Variants in WDR76 observed in about 807,000 individuals in gnomAD.
WDR76 encodes WD repeat domain 76, also known as WD repeat-containing protein 76.
WDR76 carries 52 observed loss-of-function variants against 70.2 expected under a neutral mutation model. The ratio of observed to expected loss-of-function variants is 0.74; its 90% confidence interval spans 0.59 to 0.93. The LOEUF (loss-of-function observed/expected upper bound fraction) is 0.93, where lower values mean the gene tolerates loss of function less well. Among genes scored for constraint, WDR76 ranks in the 40% least tolerant of loss-of-function variants. WDR76 has a pLI of 0.00. For missense variants in WDR76, 756 were observed against 760.2 expected, an observed-to-expected ratio of 0.99 and a Z score of 0.07; for synonymous variants, 292 against 271.1, an observed-to-expected ratio of 1.08 and a Z score of -0.76.
intron 9 of WDR76, among the ~76,000 whole-genome samples, chr15:43,851,860 A>G (rs557410603): frequency 6.6e-6 from 1 of 152,314 alleles, no homozygotes; most frequent in East Asian, 1.9e-4. Context: ...ACTTGAGCCC[A>G]GGAGTTCAAG....
At chr15:43,832,758 T>TG (rs1441429688) in intron 2 of WDR76, among the ~76,000 whole-genome samples, 7 of 136,078 alleles carry the variant, frequency 5.1e-5, no homozygotes, top group African/African-American at 1.3e-4. Context: ...TTTTTTTTTT[T>TG]TTTTTTTTTT....
intron 4 of WDR76, among the ~76,000 whole-genome samples, chr15:43,837,042 C>CAAAA (rs541159343): frequency 1.7e-5 from 1 of 58,292 alleles, no homozygotes; most frequent in African/African-American, 6.4e-5. Flanking sequence ...CTCCATCTCA[C>CAAAA]AAAAAAAAAA....
intron 11 of WDR76, among the ~76,000 whole-genome samples, chr15:43,859,381 G>A (rs2087969407): frequency 1.3e-5 from 2 of 152,106 alleles, no homozygotes; most frequent in South Asian, 2.1e-4. Flanking sequence ...TAAAGATGTC[G>A]GGAACATTAG....
intron 2 of WDR76, among the ~76,000 whole-genome samples, chr15:43,831,816 C>A (rs2087593065): frequency 6.6e-6 from 1 of 151,858 alleles, no homozygotes; most frequent in Non-Finnish European, 1.5e-5. Context: ...GAGGCAAATA[C>A]TTTGCATATC....
intron 9 of WDR76, among the ~76,000 whole-genome samples, chr15:43,853,104 G>T (rs531603571): frequency 6.6e-6 from 1 of 152,144 alleles, no homozygotes; most frequent in African/African-American, 2.4e-5. Flanking sequence ...GGCCAGGCTG[G>T]TCTTGAACTC....
At chr15:43,864,570 T>A (rs1254564745) in intron 12 of WDR76, among the ~76,000 whole-genome samples, 1 of 152,132 alleles carries the variant, frequency 6.6e-6, no homozygotes, top group Admixed American at 6.6e-5. Flanking sequence ...TGTATTCAGA[T>A]CTTTTGCCCA....
Position 43,850,452 on chromosome 15 carries a change from C to T in WDR76, c.1033-635C>T, listed in dbSNP as rs577502497. ...ATGGGACTACAGGTGCCGGCCACCA[C>T]GCCCGGCTAGTTTTTTGTATTTTTA... On this transcript the variant is annotated intron_variant, in intron 8 of 12. Transcript: ENST00000263795. Among the ~76,000 whole-genome samples, 279 of 152,024 alleles carry T rather than the reference C, an allele frequency of 1.8e-3. 3 individuals carry two copies. Among genetic ancestry groups the T allele is most frequent in the African/African-American group, 6.3e-3 (263 of 41,472 alleles).
chr15:43,852,835 C>T (rs900281544), intron 9 of WDR76, among the ~76,000 whole-genome samples: 1 of 152,042 alleles, frequency 6.6e-6, no homozygotes, highest in Non-Finnish European at 1.5e-5. Flanking sequence ...ATGGGTATTC[C>T]ACATTTTATT....
chr15:43,848,040 G>C (rs1596076544), intron 8 of WDR76, among the ~76,000 whole-genome samples: 1 of 151,608 alleles, frequency 6.6e-6, no homozygotes, highest in South Asian at 2.1e-4. Flanking sequence ...ACCTGCCTAG[G>C]TGACATAGTG....
intron 10 of WDR76, 162 bp from the exon 11 acceptor site, chr15:43,858,509 G>C (rs928075397): frequency 1.2e-6 from 1 of 811,364 alleles, no homozygotes; most frequent in African/African-American, 1.8e-5. Flanking sequence ...ACCTCCCAAA[G>C]TGCTGGGATT....
At chr15:43,846,440 A>G (rs2087789643) in intron 8 of WDR76, among the ~76,000 whole-genome samples, 1 of 148,912 alleles carries the variant, frequency 6.7e-6, no homozygotes, top group African/African-American at 2.4e-5. Flanking sequence ...ATGTGCCACC[A>G]CACCTGGCTA....
chr15:43,833,087 G>C (rs977928015), intron 2 of WDR76, among the ~76,000 whole-genome samples: 1 of 151,808 alleles, frequency 6.6e-6, no homozygotes, highest in Admixed American at 6.6e-5. Context: ...TGCATCCAAA[G>C]GCTGCATACT....
chr15:43,836,999 C>T (rs1193663310), intron 4 of WDR76, among the ~76,000 whole-genome samples: 2 of 148,268 alleles, frequency 1.3e-5, no homozygotes, highest in South Asian at 2.1e-4. Flanking sequence ...AAGATTGCAC[C>T]ATTGCACTCC....
At chr15:43,848,137 T>G (rs1596076635) in intron 8 of WDR76, among the ~76,000 whole-genome samples, 1 of 151,374 alleles carries the variant, frequency 6.6e-6, no homozygotes, top group Non-Finnish European at 1.5e-5. Flanking sequence ...ACTCAGGAAG[T>G]TGAGCTGGGA....
intron 5 of WDR76, among the ~76,000 whole-genome samples, chr15:43,841,201 G>GTTTTTTTTTTTTTTTTTTTTTT (rs910565504): frequency 9.8e-6 from 1 of 102,272 alleles, no homozygotes; most frequent in Non-Finnish European, 2.0e-5. Flanking sequence ...TTGTTTTTTT[G>GTTTTTTTTTTTTTTTTTTTTTT]TTTTTTTTTT....
intron 8 of WDR76, among the ~76,000 whole-genome samples, chr15:43,848,863 G>A (rs1203168734): frequency 2.0e-5 from 3 of 151,990 alleles, no homozygotes; most frequent in African/African-American, 4.8e-5. Context: ...GCTTGAACCC[G>A]GGAGGCAGAG....
chr15:43,853,645 C>G (rs1443522640), intron 9 of WDR76, among the ~76,000 whole-genome samples: 2 of 151,992 alleles, frequency 1.3e-5, no homozygotes, highest in Non-Finnish European at 2.9e-5. Flanking sequence ...GTGGCTCACC[C>G]CTGTAATCCC....
intron 5 of WDR76, among the ~76,000 whole-genome samples, 153 bp downstream of exon 5, chr15:43,839,881 G>A (rs2087703260): frequency 6.6e-6 from 1 of 151,880 alleles, no homozygotes; most frequent in Non-Finnish European, 1.5e-5. Flanking sequence ...TTTTTGAGAT[G>A]GAGTCTCACT....
In WDR76 at chr15:43,832,808, A is replaced by G. The variant is rs535158541; in HGVS notation, c.463-2253A>G. ...GCTCTTGCCCTGGCAGCTAGAATGC[A>G]GTGGTGTGATCTCGGCTCACTGCAA... On this transcript the variant is annotated intron_variant, in intron 2 of 12. Coordinates refer to ENST00000263795, the MANE Select transcript of WDR76 (RefSeq NM_024908.4). Among the ~76,000 whole-genome samples the G allele has an allele frequency of 3.6e-4, 44 of 122,256 alleles. 1 individual carries two copies. Among genetic ancestry groups the G allele is most frequent in the African/African-American group, 1.3e-3 (41 of 32,280 alleles). 80.2% of individuals were successfully genotyped at this position (122,256 alleles called of 152,430 possible). A position where few individuals can be genotyped will look rare whatever the true frequency, so the allele number is the denominator to read the frequency against.
Sources: allele counts gnomAD v4.1 joint callset (sites outside exome capture counted in the v4.1 genomes callset), GRCh38; gene constraint gnomAD v4.1.1; transcripts MANE v1.5; gene names NCBI Gene and HGNC (gene_info 2026-07-23, HGNC 2026-07-21).